Variants in BRINP3 observed in about 807,000 individuals in gnomAD.
BRINP3 encodes the protein BMP/retinoic acid inducible neural specific 3.
Under a neutral mutation model 71.0 loss-of-function variants are expected in BRINP3, and 19 were observed. The ratio of observed to expected loss-of-function variants is 0.27; its 90% CI spans 0.19 to 0.39. BRINP3 has a LOEUF of 0.39. Among genes scored for constraint, BRINP3 ranks in the 10% least tolerant of loss-of-function variants. The probability of loss-of-function intolerance (pLI) is 1.00; values close to 1 mark genes in which losing one functional copy is unlikely to be tolerated. For synonymous variants in BRINP3, 380 were observed against 337.7 expected, an observed-to-expected ratio of 1.13 and a Z score of -1.37; for missense variants, 959 against 940.8, an observed-to-expected ratio of 1.02 and a Z score of -0.25.
intron 2 of BRINP3, among the ~76,000 whole-genome samples, chr1:190,303,378 T>C (rs1355950122): frequency 2.0e-5 from 3 of 151,630 alleles, no homozygotes; most frequent in Non-Finnish European, 4.4e-5. Context: ...AAAATAAATA[T>C]ATTGTAATCA....
chr1:190,158,628 A>G (rs952314855), intron 7 of BRINP3, among the ~76,000 whole-genome samples: 2 of 152,100 alleles, frequency 1.3e-5, no homozygotes, highest in African/African-American at 2.4e-5. Context: ...TGAAAAATTA[A>G]AAAGAATGTT....
intron 2 of BRINP3, among the ~76,000 whole-genome samples, chr1:190,452,366 T>C (rs1258930905): frequency 6.6e-6 from 1 of 152,204 alleles, no homozygotes; most frequent in African/African-American, 2.4e-5. Flanking sequence ...TATCTTTACA[T>C]GTTTATTCAA....
intron 2 of BRINP3, among the ~76,000 whole-genome samples, chr1:190,444,530 TA>T (rs1368786536): frequency 2.0e-5 from 3 of 151,814 alleles, no homozygotes; most frequent in African/African-American, 4.8e-5. Context: ...TATTTTTATT[TA>T]TTTTTTTATT....
intron 5 of BRINP3, among the ~76,000 whole-genome samples, chr1:190,230,492 G>T (rs1429608164): frequency 6.6e-6 from 1 of 151,722 alleles, no homozygotes; most frequent in Non-Finnish European, 1.5e-5. Flanking sequence ...GAGGCCCAAA[G>T]CTGGTAAACT....
chr1:190,374,177 G>A (rs193221510), intron 2 of BRINP3, among the ~76,000 whole-genome samples: 1 of 152,072 alleles, frequency 6.6e-6, no homozygotes, highest in East Asian at 2.0e-4. Flanking sequence ...ATTATACTAG[G>A]AACAATGGTT....
intron 2 of BRINP3, among the ~76,000 whole-genome samples, chr1:190,389,916 T>G (rs943738740): frequency 6.6e-5 from 10 of 151,810 alleles, no homozygotes; most frequent in African/African-American, 2.4e-4. Flanking sequence ...TGATAAGGTT[T>G]ACTGTCCAAA....
intron 1 of BRINP3, among the ~76,000 whole-genome samples, chr1:190,457,933 A>T (rs1043782702): frequency 6.6e-6 from 1 of 151,708 alleles, no homozygotes; most frequent in Non-Finnish European, 1.5e-5. Context: ...AAAAAAAAAA[A>T]CTATATTGTG....
At chr1:190,137,891 T>C (rs1571808705) in intron 7 of BRINP3, among the ~76,000 whole-genome samples, 1 of 152,288 alleles carries the variant, frequency 6.6e-6, no homozygotes, top group Non-Finnish European at 1.5e-5. Context: ...AACTGTCTTA[T>C]CTTCCATTCT....
At chr1:190,117,916 T>C (rs900991506) in intron 7 of BRINP3, among the ~76,000 whole-genome samples, 2 of 152,000 alleles carry the variant, frequency 1.3e-5, no homozygotes, top group African/African-American at 4.8e-5. Context: ...TTTTATAAAA[T>C]AGCTCACATT....
intron 6 of BRINP3, among the ~76,000 whole-genome samples, chr1:190,195,842 G>T (rs1654431559): frequency 6.6e-6 from 1 of 150,934 alleles, no homozygotes; most frequent in South Asian, 2.1e-4. Flanking sequence ...ATCCATAATT[G>T]GAGTTCTTGA....
At chr1:190,109,846 G>T (rs1038608879) in intron 7 of BRINP3, among the ~76,000 whole-genome samples, 2 of 152,180 alleles carry the variant, frequency 1.3e-5, no homozygotes, top group African/African-American at 4.8e-5. Flanking sequence ...TTCAGCCTCA[G>T]ACTGAGAGTT....
intron 7 of BRINP3, among the ~76,000 whole-genome samples, chr1:190,111,716 C>A (rs1652712995): frequency 1.3e-5 from 2 of 152,006 alleles, no homozygotes. Context: ...GCTGCAGGAG[C>A]CATCTTGCCA....
chr1:190,199,963 C>T (rs1164356579), intron 6 of BRINP3, among the ~76,000 whole-genome samples: 1 of 151,948 alleles, frequency 6.6e-6, no homozygotes, highest in Non-Finnish European at 1.5e-5. Flanking sequence ...CCATTTTTCC[C>T]TCTTAGTTTA....
intron 2 of BRINP3, among the ~76,000 whole-genome samples, chr1:190,282,189 T>G (rs1663091944): frequency 6.6e-6 from 1 of 151,338 alleles, no homozygotes; most frequent in Admixed American, 6.6e-5. Flanking sequence ...ATAAAAAACC[T>G]CAGGAATATT....
intron 2 of BRINP3, among the ~76,000 whole-genome samples, chr1:190,345,686 A>G (rs932966867): frequency 6.7e-6 from 1 of 149,798 alleles, no homozygotes; most frequent in Non-Finnish European, 1.5e-5. Flanking sequence ...AATTACCGAA[A>G]TCAACAACCA....
At chr1:190,455,098 A>G (rs1046046555) in intron 1 of BRINP3, among the ~76,000 whole-genome samples, 158 bp from the exon 2 acceptor site, 1 of 152,188 alleles carries the variant, frequency 6.6e-6, no homozygotes. Context: ...ATTTTTTTAG[A>G]GCTGTATATC....
At chr1:190,328,782 C>T (rs1266372573) in intron 2 of BRINP3, among the ~76,000 whole-genome samples, 2 of 147,708 alleles carry the variant, frequency 1.4e-5, no homozygotes, top group Non-Finnish European at 3.0e-5. Flanking sequence ...AAATCCTCAA[C>T]AAAATATTAG....
chr1:190,193,405 C>G (rs1219687215), intron 6 of BRINP3, among the ~76,000 whole-genome samples: 3 of 152,016 alleles, frequency 2.0e-5, no homozygotes, highest in African/African-American at 4.8e-5. Context: ...TTTTTTTACT[C>G]TCTCAAGTAT....
At chr1:190,294,925 C>T (rs1234665619) in intron 2 of BRINP3, among the ~76,000 whole-genome samples, 2 of 151,834 alleles carry the variant, frequency 1.3e-5, no homozygotes, top group South Asian at 2.1e-4. Context: ...GGGACAGTTC[C>T]CTGGGTTTCT....
Sources: gnomAD v4.1 joint callset for allele counts (sites outside exome capture counted in the v4.1 genomes callset) on GRCh38, gnomAD v4.1.1 for gene constraint, MANE v1.5 for transcripts, NCBI Gene and HGNC (gene_info 2026-07-23, HGNC 2026-07-21) for gene names.